The following HSP90AA1 variants were observed in gnomAD, a reference collection of about 807,000 sequenced individuals.
The protein encoded by HSP90AA1 is heat shock protein HSP 90-alpha.
Under a neutral mutation model 73.3 loss-of-function variants are expected in HSP90AA1, and 18 were observed. The observed-to-expected ratio is 0.25, with a 90% CI of 0.17 to 0.36. The LOEUF (loss-of-function observed/expected upper bound fraction) is 0.36. Among genes scored for constraint, HSP90AA1 ranks in the 10% least tolerant of loss-of-function variants. The pLI is 1.00. For missense variants in HSP90AA1, 704 were observed against 874.2 expected, an observed-to-expected ratio of 0.81 and a Z score of 2.45; for synonymous variants, 477 against 296.9, an observed-to-expected ratio of 1.61 and a Z score of -6.24.
At chr14:102,114,449 T>C (rs572010534) in intron 1 of HSP90AA1, among the ~76,000 whole-genome samples, 1 of 152,302 alleles carries the variant, frequency 6.6e-6, no homozygotes, top group African/African-American at 2.4e-5. Flanking sequence ...GACTTTGAGA[T>C]TCACTGCAGG....
upstream of HSP90AA1, among the ~76,000 whole-genome samples, chr14:102,090,869 T>C (rs996638193): frequency 1.3e-5 from 2 of 152,234 alleles, no homozygotes; most frequent in Admixed American, 6.5e-5. Context: ...CCTCCTCTAT[T>C]TGAAAGCTTT....
intron 1 of HSP90AA1, among the ~76,000 whole-genome samples, chr14:102,106,801 C>T (rs1374605632): frequency 1.3e-4 from 20 of 151,908 alleles, no homozygotes; most frequent in Admixed American, 1.3e-3. Flanking sequence ...ACCTCGGCCT[C>T]CCAAAGTGCA....
At chr14:102,122,666 A>AT in intron 1 of HSP90AA1, among the ~76,000 whole-genome samples, 1 of 150,268 alleles carries the variant, frequency 6.7e-6, no homozygotes, top group South Asian at 2.1e-4. Flanking sequence ...TCTTTTTTTT[A>AT]TTTTTTATAT....
chr14:102,084,278 T>C (rs2049169287), intron 6 of HSP90AA1, 121 bp downstream of exon 6: 1 of 907,140 alleles, frequency 1.1e-6, no homozygotes, highest in East Asian at 2.4e-5. Context: ...ACTCCTGACC[T>C]CAAGTGATCT....
chr14:102,135,669 C>A (rs560258844), intron 1 of HSP90AA1, among the ~76,000 whole-genome samples: 88 of 152,378 alleles, frequency 5.8e-4, no homozygotes, highest in African/African-American at 2.0e-3. Flanking sequence ...GGGAAGGCAG[C>A]TAAGGCCCGG....
chr14:102,094,900 A>G (rs534541350), intron 2 of HSP90AA1, among the ~76,000 whole-genome samples: 3 of 152,226 alleles, frequency 2.0e-5, no homozygotes, highest in Admixed American at 6.5e-5. Context: ...CTGTCCCTGA[A>G]GAGTTGGTGG....
intron 9 of HSP90AA1, 85 bp from the exon 10 acceptor site, chr14:102,082,529 T>A (rs906347146): frequency 5.9e-6 from 6 of 1,014,228 alleles, no homozygotes; most frequent in African/African-American, 1.6e-5. Flanking sequence ...GAACCCAAAT[T>A]TCAATAGATC....
At chr14:102,099,770 C>T (rs2049470130) in intron 2 of HSP90AA1, among the ~76,000 whole-genome samples, 1 of 152,222 alleles carries the variant, frequency 6.6e-6, no homozygotes, top group South Asian at 2.1e-4. Context: ...TCCCAAGTGT[C>T]AGCCCGTTAG....
At chr14:102,114,760 G>A (rs867749523) in intron 1 of HSP90AA1, among the ~76,000 whole-genome samples, 9 of 152,228 alleles carry the variant, frequency 5.9e-5, no homozygotes, top group Middle Eastern at 6.8e-3. Context: ...GGCACTTTGG[G>A]AGGCTGAGGC....
At position 102,133,185 on chromosome 14, in the gene HSP90AA1, C is replaced by T. The variant is rs184701716; in HGVS notation, c.155+6065G>A. 2.9e-3 allele frequency among the ~76,000 whole-genome samples: 438 copies of T among 151,656 alleles called. 4 individuals are homozygous for T. The highest frequency in any genetic ancestry group is 0.01 in the African/African-American group (416 of 41,376). On this transcript the variant is annotated intron_variant, in intron 1 of 11. Coordinates refer to the HSP90AA1 transcript ENST00000334701. ...GTCCCAGCTACCCAGGAGGCTGAGGCAGGAGAATCGCTTGAACCCAGGAGG... is the reference window on the plus strand; with the variant it reads ...GTCCCAGCTACCCAGGAGGCTGAGGTAGGAGAATCGCTTGAACCCAGGAGG...
chr14:102,139,498 TCAGGG>T, exon 1 of HSP90AA1: 1 of 1,342,232 alleles, frequency 7.5e-7, no homozygotes, highest in Non-Finnish European at 9.9e-7. Flanking sequence ...CCGGCGCCCC[TCAGGG>T]CAGGGCGGGA....
At position 102,084,179 on chromosome 14, in the gene HSP90AA1, T is replaced by A. The variant is rs190173547; in HGVS notation, c.1148-196A>T. 110 of 680,068 alleles carry A rather than the reference T, an allele frequency of 1.6e-4. No individual in the cohort carries two copies. The African/African-American group carries it at 1.7e-3, about 10-fold the overall frequency. 42.1% of individuals were successfully genotyped at this position (680,068 alleles called of 1,614,324 possible). A position where few individuals can be genotyped will look rare whatever the true frequency, so the allele number is the denominator to read the frequency against. On this transcript the variant is annotated intron_variant, in intron 6 of 10. Coordinates refer to ENST00000216281, the MANE Select transcript of HSP90AA1 (RefSeq NM_005348.4). ...CTGCCTCCCGGGGGGGTTCAAGCTGTTTTCATGCCTCAGCCTGCCACTACA... is the reference window on the plus strand; with the variant it reads ...CTGCCTCCCGGGGGGGTTCAAGCTGATTTCATGCCTCAGCCTGCCACTACA...
intron 1 of HSP90AA1, among the ~76,000 whole-genome samples, chr14:102,116,954 T>TG (rs1043830835): frequency 2.6e-5 from 4 of 151,940 alleles, no homozygotes; most frequent in Non-Finnish European, 4.4e-5. Context: ...GGCACAGGCT[T>TG]GGGGGTGTCT....
intron 1 of HSP90AA1, among the ~76,000 whole-genome samples, chr14:102,109,219 C>T (rs564937974): frequency 1.2e-4 from 18 of 152,296 alleles, no homozygotes; most frequent in African/African-American, 4.3e-4. Flanking sequence ...ACAATACGTA[C>T]TCTCATGTCT....
intron 1 of HSP90AA1, among the ~76,000 whole-genome samples, chr14:102,132,358 T>G (rs1394401496): frequency 1.3e-5 from 2 of 151,414 alleles, no homozygotes; most frequent in African/African-American, 4.9e-5. Flanking sequence ...AGAGCAAGAC[T>G]CAGTCTCAAA....
intron 2 of HSP90AA1, among the ~76,000 whole-genome samples, chr14:102,094,853 T>A (rs1555362696): frequency 6.6e-6 from 1 of 152,096 alleles, no homozygotes; most frequent in Non-Finnish European, 1.5e-5. Flanking sequence ...GACCGTGGTG[T>A]GTAGGAAGCA....
intron 1 of HSP90AA1, among the ~76,000 whole-genome samples, chr14:102,113,320 G>GGCTT (rs780110612): frequency 2.0e-5 from 3 of 151,304 alleles, no homozygotes; most frequent in Middle Eastern, 3.2e-3. Flanking sequence ...CACCGCGCCC[G>GGCTT]GCTTGCTTGC....
At chr14:102,087,303 A>T (rs1432871742), upstream of HSP90AA1, 1 of 382,900 alleles carries the variant, frequency 2.6e-6, no homozygotes, top group Non-Finnish European at 3.6e-6. Context: ...CGCCGGCCTC[A>T]ATGCGCCTGC....
intron 1 of HSP90AA1, among the ~76,000 whole-genome samples, chr14:102,126,969 T>A (rs527459388): frequency 1.7e-4 from 26 of 152,100 alleles, no homozygotes; most frequent in African/African-American, 6.3e-4. Flanking sequence ...TGGCTAAAAA[T>A]CACTGTTTTA....
Sources: gnomAD v4.1 joint callset for allele counts (sites outside exome capture counted in the v4.1 genomes callset) on GRCh38, gnomAD v4.1.1 for gene constraint, MANE v1.5 for transcripts, NCBI Gene and HGNC (gene_info 2026-07-23, HGNC 2026-07-21) for gene names.